The following BAZ2B variants were observed in gnomAD, a reference collection of about 807,000 sequenced individuals.
The protein encoded by BAZ2B is bromodomain adjacent to zinc finger domain protein 2B.
Under a neutral mutation model 246.0 loss-of-function variants are expected in BAZ2B, and 91 were observed. The observed-to-expected ratio is 0.37, with a 90% CI of 0.31 to 0.44. BAZ2B has a LOEUF of 0.44. BAZ2B is among the 20% of genes least tolerant of loss of function. BAZ2B has a pLI of 1.00. For synonymous variants in BAZ2B, 855 were observed against 860.0 expected (o/e 0.99, Z 0.10); for missense variants, 2,332 against 2,533.7 (o/e 0.92, Z 1.71).
intron 2 of BAZ2B, among the ~76,000 whole-genome samples, chr2:159,502,253 G>A (rs2081923519): frequency 6.6e-6 from 1 of 151,804 alleles, no homozygotes; most frequent in African/African-American, 2.4e-5. Context: ...GCACAACTCT[G>A]TGAATACACT....
At chr2:159,663,650 G>C in the BAZ2B span, among the ~76,000 whole-genome samples, 5 of 151,888 alleles carry the variant, frequency 3.3e-5, no homozygotes, top group Admixed American at 1.3e-4. Context: ...CTCCCGAGCA[G>C]CTGGTATTAC....
At position 159,478,559 on chromosome 2, in the gene BAZ2B, A is replaced by T. The variant is rs2078891646; in HGVS notation, c.145+16T>A. ...AAGAATGGCATTCTAAAATTGAGTT[A>T]AAAAAGGGTATTCACCACATGGGTT... On this transcript the variant is annotated intron_variant, in intron 3 of 36. Coordinates refer to ENST00000392783, the MANE Select transcript of BAZ2B (RefSeq NM_013450.4). 6.4e-7 allele frequency: 1 copy of T among 1,571,644 alleles called. No homozygotes were observed. The highest frequency in any genetic ancestry group is 8.6e-7 in the Non-Finnish European group (1 of 1,162,784).
chr2:159,406,095 A>C (rs2065889804), intron 14 of BAZ2B, among the ~76,000 whole-genome samples: 1 of 152,234 alleles, frequency 6.6e-6, no homozygotes, highest in East Asian at 1.9e-4. Flanking sequence ...TGACATTTGT[A>C]ATGTGACTTT....
chr2:159,322,027 C>A (rs561799943), intron 36 of BAZ2B: 1 of 152,042 alleles, frequency 6.6e-6, no homozygotes, highest in East Asian at 1.9e-4. Context: ...CTACTGTGTA[C>A]CTGCAAAAAT....
At chr2:159,404,938 T>A (rs1233841991) in intron 15 of BAZ2B, 28 bp from the exon 16 acceptor site, 1 of 1,612,150 alleles carries the variant, frequency 6.2e-7, no homozygotes, top group Admixed American at 1.7e-5. Flanking sequence ...ATAGATATCA[T>A]CAAAAAGGGA....
At chr2:159,551,508 T>C (rs1442785187) in intron 2 of BAZ2B, among the ~76,000 whole-genome samples, 2 of 148,512 alleles carry the variant, frequency 1.3e-5, no homozygotes, top group Admixed American at 6.7e-5. Flanking sequence ...TAGGACAGAT[T>C]ATTAAATATA....
intron 2 of BAZ2B, among the ~76,000 whole-genome samples, chr2:159,522,684 A>C (rs181159501): frequency 2.0e-5 from 3 of 152,344 alleles, no homozygotes; most frequent in Admixed American, 2.0e-4. Context: ...TAAAACTTTG[A>C]AGAATGACTT....
intron 23 of BAZ2B, 66 bp downstream of exon 23, chr2:159,385,089 G>T: frequency 1.4e-6 from 2 of 1,467,446 alleles, no homozygotes; most frequent in Non-Finnish European, 9.5e-7. Flanking sequence ...TAATCAATTT[G>T]TATTACTTTT....
At chr2:159,331,960 T>G (rs2064865012) in intron 34 of BAZ2B, among the ~76,000 whole-genome samples, 1 of 152,002 alleles carries the variant, frequency 6.6e-6, no homozygotes, top group African/African-American at 2.4e-5. Flanking sequence ...GGAGTTGAAG[T>G]GCTACAGGGA....
intron 2 of BAZ2B, among the ~76,000 whole-genome samples, chr2:159,488,845 A>G (rs187795807): frequency 2.9e-4 from 44 of 152,284 alleles, no homozygotes; most frequent in African/African-American, 9.9e-4. Flanking sequence ...ATTAATAGTC[A>G]TTTCTCCAGG....
rs1476352997 is a variant in BAZ2B at position 159,375,164 on chromosome 2, T to C, written c.4006-411A>G. ...TCAAGGCTGCAGTGAGCTATGATCA[T>C]GCCACTGCACTCCAGCCTGCAGACC... On this transcript the variant is annotated intron_variant, in intron 25 of 36. Transcript: ENST00000392783. Among the ~76,000 whole-genome samples, 3 of 152,188 alleles carry C rather than the reference T, an allele frequency of 2.0e-5. No homozygotes were observed. In the East Asian group the frequency reaches 5.8e-4, roughly 29 times the overall value.
chr2:159,513,836 T>A (rs946302553), intron 2 of BAZ2B, among the ~76,000 whole-genome samples: 5 of 152,144 alleles, frequency 3.3e-5, no homozygotes, highest in African/African-American at 1.2e-4. Flanking sequence ...GAGTGGCTCC[T>A]CAAAGTCCCC....
At chr2:159,689,780 T>A in the BAZ2B span, 2 of 507,084 alleles carry the variant, frequency 3.9e-6, no homozygotes, top group East Asian at 7.8e-5. Context: ...GACCACTTCT[T>A]TCAAGTCATT....
chr2:159,432,718 C>CAA, intron 9 of BAZ2B, 39 bp downstream of exon 9: 1 of 1,584,398 alleles, frequency 6.3e-7, no homozygotes, highest in Non-Finnish European at 8.6e-7. Flanking sequence ...GTTCACATAG[C>CAA]ATTTAGAGAA....
chr2:159,679,477 T>G, the BAZ2B span, among the ~76,000 whole-genome samples: 1 of 152,176 alleles, frequency 6.6e-6, no homozygotes, highest in African/African-American at 2.4e-5. Context: ...AACATGTGGG[T>G]TATTTTCTGT....
chr2:159,643,162 T>C, the BAZ2B span, among the ~76,000 whole-genome samples: 2 of 152,350 alleles, frequency 1.3e-5, no homozygotes, highest in South Asian at 2.1e-4. Flanking sequence ...TTTGTGAGTG[T>C]ATTTGTCTGC....
At chr2:159,693,306 T>A in the BAZ2B span, 2 of 152,204 alleles carry the variant, frequency 1.3e-5, no homozygotes, top group Admixed American at 6.5e-5. Flanking sequence ...TAAAACCATC[T>A]GGGACTGGTG....
At chr2:159,590,187 C>CA (rs552786270) in intron 1 of BAZ2B, among the ~76,000 whole-genome samples, 1 of 20,334 alleles carries the variant, frequency 4.9e-5, no homozygotes, top group African/African-American at 2.5e-4. Flanking sequence ...GACTCCATCT[C>CA]AAAAAAAAAA....
At chr2:159,367,981 T>A (rs953148382) in intron 27 of BAZ2B, among the ~76,000 whole-genome samples, 1 of 152,242 alleles carries the variant, frequency 6.6e-6, no homozygotes, top group Non-Finnish European at 1.5e-5. Flanking sequence ...TAGTTTCTAC[T>A]AGTTTGACAC....
Sources: gnomAD v4.1 joint callset for allele counts (sites outside exome capture counted in the v4.1 genomes callset) on GRCh38, gnomAD v4.1.1 for gene constraint, MANE v1.5 for transcripts, NCBI Gene and HGNC (gene_info 2026-07-23, HGNC 2026-07-21) for gene names.